RAPGEF5: variants seen among roughly 807,000 people sequenced by gnomAD.
RAPGEF5 encodes the protein M-Ras-regulated GEF.
In RAPGEF5, 65 loss-of-function variants were observed where a neutral mutation model predicts 125.2. The ratio of observed to expected loss-of-function variants is 0.52; its 90% CI spans 0.43 to 0.64. RAPGEF5 has a LOEUF of 0.64. Ranked by LOEUF, RAPGEF5 falls within the 30% of genes least tolerant of loss-of-function variation. The pLI is 0.00. For synonymous variants in RAPGEF5, 391 were observed against 385.9 expected, an observed-to-expected ratio of 1.01 and a Z score of -0.16; for missense variants, 958 against 1,048.1, an observed-to-expected ratio of 0.91 and a Z score of 1.19.
intron 9 of RAPGEF5, among the ~76,000 whole-genome samples, chr7:22,207,496 T>C (rs1785423497): frequency 6.6e-6 from 1 of 152,206 alleles, no homozygotes; most frequent in South Asian, 2.1e-4. Context: ...GGTTTATCAT[T>C]AAATTTTTAT....
At chr7:22,317,076 T>C (rs1454406599) in intron 2 of RAPGEF5, among the ~76,000 whole-genome samples, 1 of 151,510 alleles carries the variant, frequency 6.6e-6, no homozygotes, top group Non-Finnish European at 1.5e-5. Context: ...CCTGAAAGCA[T>C]ACAATGTTCA....
At chr7:22,133,087 T>C (rs1782965066) in intron 23 of RAPGEF5, among the ~76,000 whole-genome samples, 1 of 152,148 alleles carries the variant, frequency 6.6e-6, no homozygotes, top group Non-Finnish European at 1.5e-5. Flanking sequence ...CCCTCCTCAC[T>C]CCCTTCAGGC....
intron 5 of RAPGEF5, among the ~76,000 whole-genome samples, chr7:22,296,034 G>C (rs964440075): frequency 6.8e-6 from 1 of 146,352 alleles, no homozygotes; most frequent in Non-Finnish European, 1.5e-5. Context: ...GCAGAAGTGA[G>C]GGGTGGTGGA....
At chr7:22,308,307 G>C in intron 5 of RAPGEF5, 32 bp downstream of exon 5, 1 of 1,550,506 alleles carries the variant, frequency 6.4e-7, no homozygotes, top group Non-Finnish European at 8.7e-7. Flanking sequence ...CTAAGTGTAA[G>C]AATACAATGG....
At chr7:22,148,565 C>T (rs1583412446) in intron 18 of RAPGEF5, among the ~76,000 whole-genome samples, 1 of 152,208 alleles carries the variant, frequency 6.6e-6, no homozygotes, top group East Asian at 1.9e-4. Flanking sequence ...GATGAAATAT[C>T]TAAATCTATG....
At chr7:22,239,071 T>G (rs973295286) in intron 7 of RAPGEF5, among the ~76,000 whole-genome samples, 2 of 152,086 alleles carry the variant, frequency 1.3e-5, no homozygotes, top group African/African-American at 4.8e-5. Context: ...TTTAAAGAAG[T>G]GATGTTTGAT....
chr7:22,128,817 G>A (rs1370567169), intron 24 of RAPGEF5, among the ~76,000 whole-genome samples: 2 of 152,164 alleles, frequency 1.3e-5, no homozygotes, highest in East Asian at 3.9e-4. Context: ...CTATGTGAGT[G>A]CTGTGTGCAT....
At chr7:22,259,619 G>T in intron 7 of RAPGEF5, among the ~76,000 whole-genome samples, 2 of 152,126 alleles carry the variant, frequency 1.3e-5, no homozygotes, top group East Asian at 3.9e-4. Context: ...TAAGTAAATG[G>T]ATAAACTGGT....
At chr7:22,123,786 T>C (rs1178799035) in intron 25 of RAPGEF5, among the ~76,000 whole-genome samples, 1 of 152,252 alleles carries the variant, frequency 6.6e-6, no homozygotes, top group Non-Finnish European at 1.5e-5. Flanking sequence ...AAGTTAAACA[T>C]TGGTTTGGAT....
At chr7:22,353,637 G>A (rs901528593) in intron 1 of RAPGEF5, among the ~76,000 whole-genome samples, 2 of 152,014 alleles carry the variant, frequency 1.3e-5, no homozygotes, top group African/African-American at 4.8e-5. Flanking sequence ...AAAATTAAAG[G>A]GTTTTGTCAG....
At chr7:22,124,518 C>G (rs1168831707) in intron 25 of RAPGEF5, among the ~76,000 whole-genome samples, 1 of 152,194 alleles carries the variant, frequency 6.6e-6, no homozygotes, top group Non-Finnish European at 1.5e-5. Flanking sequence ...CAGTTCCTAA[C>G]TTACTTTGTT....
intron 21 of RAPGEF5, chr7:22,139,818 A>G: frequency 2.1e-6 from 1 of 473,080 alleles, no homozygotes; most frequent in South Asian, 2.4e-5. Context: ...GGGGAAGACT[A>G]ATTCTAGCTG....
intron 20 of RAPGEF5, 137 bp from the exon 21 acceptor site, chr7:22,140,252 G>T: frequency 1.4e-6 from 1 of 701,896 alleles, no homozygotes; most frequent in Non-Finnish European, 2.4e-6. Flanking sequence ...ACCCCTTACT[G>T]CCCTTCAGCT....
At chr7:22,190,440 TTAG>T (rs1365757088) in intron 11 of RAPGEF5, among the ~76,000 whole-genome samples, 2 of 152,192 alleles carry the variant, frequency 1.3e-5, no homozygotes, top group African/African-American at 4.8e-5. Flanking sequence ...AAGAAAATCA[TTAG>T]TAGGTTGCTT....
chr7:22,312,769 A>G (rs1357672280), intron 3 of RAPGEF5, among the ~76,000 whole-genome samples: 4 of 152,242 alleles, frequency 2.6e-5, no homozygotes, highest in African/African-American at 9.6e-5. Flanking sequence ...TAAATCACAT[A>G]TAAGGATCCA....
chr7:22,141,889 C>G (rs142288220), intron 20 of RAPGEF5, among the ~76,000 whole-genome samples: 1 of 152,238 alleles, frequency 6.6e-6, no homozygotes, highest in Non-Finnish European at 1.5e-5. Flanking sequence ...CAATAAGATA[C>G]CTCCCAGTCT....
At chr7:22,283,129 C>T (rs1235060254) in intron 6 of RAPGEF5, among the ~76,000 whole-genome samples, 1 of 151,862 alleles carries the variant, frequency 6.6e-6, no homozygotes, top group Admixed American at 6.6e-5. Flanking sequence ...TCATTATAGG[C>T]ACTTTTCTAA....
At chr7:22,311,193 T>G (rs1260718075) in intron 3 of RAPGEF5, among the ~76,000 whole-genome samples, 1 of 152,054 alleles carries the variant, frequency 6.6e-6, no homozygotes, top group Admixed American at 6.6e-5. Context: ...CTAATTTTTG[T>G]TTTTTGTAGA....
At chr7:22,267,040 A>G (rs771429249) in intron 6 of RAPGEF5, 28 bp from the exon 7 acceptor site, 2 of 1,574,190 alleles carry the variant, frequency 1.3e-6, no homozygotes, top group Non-Finnish European at 1.7e-6. Flanking sequence ...GGGAAAATCA[A>G]ATTAGAAGAA....
Sources: gnomAD v4.1 joint callset for allele counts (sites outside exome capture counted in the v4.1 genomes callset) on GRCh38, gnomAD v4.1.1 for gene constraint, MANE v1.5 for transcripts, NCBI Gene and HGNC (gene_info 2026-07-23, HGNC 2026-07-21) for gene names.